The following ADARB2 variants were observed in gnomAD, a reference collection of about 807,000 sequenced individuals.
ADARB2 encodes inactive double-stranded RNA-specific editase B2.
In ADARB2, 25 loss-of-function variants were observed where a neutral mutation model predicts 62.2. The observed-to-expected ratio is 0.40, with a 90% confidence interval of 0.29 to 0.56. The LOEUF (loss-of-function observed/expected upper bound fraction) is 0.56. Ranked by LOEUF, ADARB2 falls within the 20% of genes least tolerant of loss-of-function variation. The probability of loss-of-function intolerance (pLI) is 0.43; values close to 1 mark genes in which losing one functional copy is unlikely to be tolerated. For missense variants in ADARB2, 1,071 were observed against 1,077.4 expected (o/e 0.99, Z 0.08); for synonymous variants, 572 against 500.8 (o/e 1.14, Z -1.90).
At chr10:1,537,776 C>T (rs1292516033) in intron 1 of ADARB2, among the ~76,000 whole-genome samples, 5 of 152,024 alleles carry the variant, frequency 3.3e-5, no homozygotes, top group African/African-American at 4.8e-5. Flanking sequence ...AACACATGGA[C>T]ACAGGGAGGG....
At chr10:1,526,686 C>G (rs559288960) in intron 1 of ADARB2, 1 of 276,530 alleles carries the variant, frequency 3.6e-6, no homozygotes, top group East Asian at 1.3e-4. Context: ...GCCTGCAGAG[C>G]CATGGCTGCA....
At chr10:1,186,513 C>T (rs578233498) in intron 8 of ADARB2, 1 of 519,078 alleles carries the variant, frequency 1.9e-6, no homozygotes, top group Non-Finnish European at 3.8e-6. Flanking sequence ...CTGACGCGTT[C>T]CCCAAGCCCA....
chr10:1,566,288 C>G (rs769438233), intron 1 of ADARB2, among the ~76,000 whole-genome samples: 1 of 152,156 alleles, frequency 6.6e-6, no homozygotes, highest in Non-Finnish European at 1.5e-5. Flanking sequence ...TTTCTGCTAG[C>G]ACCCCTTGCC....
chr10:1,727,687 T>TTA (rs150155092), intron 1 of ADARB2, among the ~76,000 whole-genome samples: 351 of 151,646 alleles, frequency 2.3e-3, no homozygotes, highest in African/African-American at 7.3e-3. Flanking sequence ...TGATGATAAT[T>TTA]TATATATATA....
intron 2 of ADARB2, among the ~76,000 whole-genome samples, chr10:1,373,318 ACACAC>A (rs1832389788): frequency 6.6e-6 from 1 of 151,686 alleles, no homozygotes; most frequent in South Asian, 2.1e-4. Flanking sequence ...TCTGACACAC[ACACAC>A]ACACCCACCC....
At chr10:1,396,542 A>G (rs1341216187) in intron 1 of ADARB2, among the ~76,000 whole-genome samples, 4 of 152,024 alleles carry the variant, frequency 2.6e-5, no homozygotes, top group Non-Finnish European at 5.9e-5. Flanking sequence ...CCCCGCCTGC[A>G]GTGTCCCTGT....
intron 1 of ADARB2, among the ~76,000 whole-genome samples, chr10:1,651,262 A>C (rs74654182): frequency 0.021 from 3,234 of 152,358 alleles, 129 homozygotes; most frequent in African/African-American, 0.074. Context: ...CCTGTGCTTA[A>C]ATAAACAGCT....
intron 1 of ADARB2, among the ~76,000 whole-genome samples, chr10:1,722,667 G>C (rs1397827721): frequency 6.6e-6 from 1 of 152,136 alleles, no homozygotes; most frequent in Non-Finnish European, 1.5e-5. Flanking sequence ...TTGGGAAATA[G>C]AATGAAAAAT....
chr10:1,260,436 T>A (rs556285464), intron 4 of ADARB2, among the ~76,000 whole-genome samples: 1 of 150,990 alleles, frequency 6.6e-6, no homozygotes, highest in Non-Finnish European at 1.5e-5. Flanking sequence ...CTTAAGCTGA[T>A]AAGCAACTTC....
intron 1 of ADARB2, among the ~76,000 whole-genome samples, chr10:1,385,473 C>A (rs1222976328): frequency 6.7e-6 from 1 of 149,762 alleles, no homozygotes; most frequent in Non-Finnish European, 1.5e-5. Flanking sequence ...AATTCTCAAG[C>A]TCAAAAACAT....
rs2676780 is a variant in ADARB2 at position 1,538,905 on chromosome 10, G to A, written c.101-159745C>T. Among the ~76,000 whole-genome samples the A allele has an allele frequency of 7.1e-3, 1,076 of 152,318 alleles. 14 individuals are homozygous for A. Among genetic ancestry groups the A allele is most frequent in the African/African-American group, 0.025 (1,034 of 41,580 alleles). On this transcript the variant is annotated intron_variant, in intron 1 of 9. Coordinates refer to ENST00000381312, the MANE Select transcript of ADARB2 (RefSeq NM_018702.4). ...GCCTGCCCAGAAGTTCACACTGCAC[G>A]GCATCCCATCCACCCTCACCGAGGC...
intron 1 of ADARB2, among the ~76,000 whole-genome samples, chr10:1,603,552 G>A (rs1209683926): frequency 1.3e-5 from 2 of 152,084 alleles, no homozygotes; most frequent in Non-Finnish European, 2.9e-5. Context: ...GAAGGCCTGA[G>A]TGTCACCGAG....
At chr10:1,667,625 C>A (rs761090610) in intron 1 of ADARB2, among the ~76,000 whole-genome samples, 1 of 152,106 alleles carries the variant, frequency 6.6e-6, no homozygotes, top group Admixed American at 6.5e-5. Context: ...TTGGAGGATG[C>A]TTGACAGTTT....
chr10:1,724,155 C>G (rs1835134126), intron 1 of ADARB2, among the ~76,000 whole-genome samples: 1 of 152,160 alleles, frequency 6.6e-6, no homozygotes. Flanking sequence ...AAGCTGAAAA[C>G]ATACAGCTGA....
intron 1 of ADARB2, among the ~76,000 whole-genome samples, chr10:1,467,416 T>A (rs1831267039): frequency 6.6e-6 from 1 of 152,114 alleles, no homozygotes; most frequent in Non-Finnish European, 1.5e-5. Flanking sequence ...CCTCCCCATC[T>A]CCTTCTCAGT....
chr10:1,722,385 C>T (rs1167799509), intron 1 of ADARB2, among the ~76,000 whole-genome samples: 1 of 152,218 alleles, frequency 6.6e-6, no homozygotes, highest in Non-Finnish European at 1.5e-5. Flanking sequence ...CCAGCACTGA[C>T]TCTGAATCAG....
chr10:1,710,892 G>A (rs74760320), intron 1 of ADARB2, among the ~76,000 whole-genome samples: 97 of 152,272 alleles, frequency 6.4e-4, no homozygotes, highest in Non-Finnish European at 5.6e-4. Context: ...TACCTCCACA[G>A]ATGCTTCCCA....
At chr10:1,469,075 T>C (rs558261453) in intron 1 of ADARB2, among the ~76,000 whole-genome samples, 1 of 152,302 alleles carries the variant, frequency 6.6e-6, no homozygotes, top group South Asian at 2.1e-4. Context: ...CCTCTAGGAA[T>C]TGGAAACGGC....
chr10:1,261,346 T>C (rs1589168555), intron 4 of ADARB2, among the ~76,000 whole-genome samples: 1 of 148,150 alleles, frequency 6.7e-6, no homozygotes, highest in African/African-American at 2.6e-5. Flanking sequence ...CAAAAGAAAC[T>C]ACCATCAGAG....
Sources: allele counts gnomAD v4.1 joint callset (sites outside exome capture counted in the v4.1 genomes callset), GRCh38; gene constraint gnomAD v4.1.1; transcripts MANE v1.5; gene names NCBI Gene and HGNC (gene_info 2026-07-23, HGNC 2026-07-21).